The following CAPN13 variants were observed in gnomAD, a reference collection of about 807,000 sequenced individuals.
CAPN13 encodes the protein calpain-13.
CAPN13 carries 90 observed loss-of-function variants against 98.4 expected under a neutral mutation model. The ratio of observed to expected loss-of-function variants is 0.92; its 90% CI spans 0.77 to 1.09. The LOEUF (loss-of-function observed/expected upper bound fraction) is 1.09, where lower values mean the gene tolerates loss of function less well. Ranked by LOEUF, CAPN13 falls within the 50% of genes least tolerant of loss-of-function variation. CAPN13 has a pLI of 0.00. For missense variants in CAPN13, 887 were observed against 841.3 expected, an observed-to-expected ratio of 1.05 and a Z score of -0.67; for synonymous variants, 330 against 305.5, an observed-to-expected ratio of 1.08 and a Z score of -0.84.
At chr2:30,766,184 C>T (rs1673101110) in intron 5 of CAPN13, among the ~76,000 whole-genome samples, 1 of 152,244 alleles carries the variant, frequency 6.6e-6, no homozygotes, top group African/African-American at 2.4e-5. Flanking sequence ...CCTTTCCTGG[C>T]TTCAAACAGG....
rs959017187 is a variant in CAPN13 at position 30,804,519 on chromosome 2, C to T, written c.-33+2783G>A. 1.2e-4 allele frequency among the ~76,000 whole-genome samples: 18 copies of T among 152,258 alleles called. No individual in the cohort carries two copies. The South Asian group carries it at 3.5e-3, about 30-fold the overall frequency. On this transcript the variant is annotated intron_variant, in intron 1 of 22. Coordinates refer to ENST00000295055, the MANE Select transcript of CAPN13 (RefSeq NM_144575.3). Reference sequence around the variant, plus strand: ...CTTTTTAAGTAAATTGGAATCATAACTCTCTGAGGAGGGAAGAGTAGGAGG... The same window carrying T: ...CTTTTTAAGTAAATTGGAATCATAATTCTCTGAGGAGGGAAGAGTAGGAGG...
chr2:30,768,207 G>C (rs1164476784), intron 5 of CAPN13, among the ~76,000 whole-genome samples: 3 of 152,166 alleles, frequency 2.0e-5, no homozygotes, highest in Non-Finnish European at 1.5e-5. Context: ...TGGCTGATTG[G>C]GCCGATGGGG....
At chr2:30,769,984 CAG>C in intron 5 of CAPN13, among the ~76,000 whole-genome samples, 1 of 152,322 alleles carries the variant, frequency 6.6e-6, no homozygotes, top group South Asian at 2.1e-4. Flanking sequence ...TTCTGTGAGT[CAG>C]AGTCAGAATT....
chr2:30,792,234 A>T (rs919289433), intron 1 of CAPN13, among the ~76,000 whole-genome samples: 2 of 152,130 alleles, frequency 1.3e-5, no homozygotes, highest in Admixed American at 1.3e-4. Context: ...AATCAAACAG[A>T]AGACAGACAA....
At chr2:30,805,216 T>G (rs1055879269) in intron 1 of CAPN13, among the ~76,000 whole-genome samples, 1 of 152,090 alleles carries the variant, frequency 6.6e-6, no homozygotes, top group Non-Finnish European at 1.5e-5. Flanking sequence ...AGCCAACATA[T>G]AAATGTCCTC....
At chr2:30,787,783 G>T (rs1674382071) in intron 1 of CAPN13, among the ~76,000 whole-genome samples, 1 of 152,170 alleles carries the variant, frequency 6.6e-6, no homozygotes, top group Non-Finnish European at 1.5e-5. Flanking sequence ...GGGTGGGTAG[G>T]AAGTGTTGGA....
chr2:30,787,203 A>G lies in CAPN13; in HGVS notation c.123T>C (p.Pro41=). Residue 41 remains proline, a synonymous_variant, in exon 2 of 23, where the codon CCT becomes CCC. Transcript: ENST00000295055. The stretch of plus-strand genomic sequence containing the variant: ...TCTGGCCTATGGAAGAATCTGCTGC[A>G]GGGAATGTCTCATCCTTAAACGTCC... ...MGRTFKDETF[P]AADSSIGQKL... The G allele has an allele frequency of 6.2e-7, 1 of 1,605,908 alleles. No individual in the cohort carries two copies.
chr2:30,740,203 G>A (rs528550820), intron 15 of CAPN13, among the ~76,000 whole-genome samples: 2 of 146,798 alleles, frequency 1.4e-5, no homozygotes, highest in South Asian at 2.2e-4. Context: ...CAGGCAATTC[G>A]CCTGTCTCAG....
chr2:30,798,403 A>C (rs933949170), intron 1 of CAPN13, among the ~76,000 whole-genome samples: 2 of 152,066 alleles, frequency 1.3e-5, no homozygotes, highest in Admixed American at 6.5e-5. Context: ...ACTTCAACCT[A>C]CTGAGCTCTC....
At chr2:30,787,429 G>C in intron 1 of CAPN13, 72 bp from the exon 2 acceptor site, 1 of 1,178,084 alleles carries the variant, frequency 8.5e-7, no homozygotes, top group Non-Finnish European at 1.2e-6. Flanking sequence ...GTGAGCCCCA[G>C]ATGGGCACTC....
intron 15 of CAPN13, among the ~76,000 whole-genome samples, chr2:30,739,283 G>A (rs1404321962): frequency 2.6e-5 from 4 of 152,144 alleles, no homozygotes; most frequent in Non-Finnish European, 5.9e-5. Flanking sequence ...TGGGGAGCTG[G>A]CGCTGGAAAG....
At chr2:30,752,447 C>T (rs535645628) in intron 10 of CAPN13, among the ~76,000 whole-genome samples, 2 of 152,194 alleles carry the variant, frequency 1.3e-5, no homozygotes, top group Non-Finnish European at 2.9e-5. Flanking sequence ...AGGCCATGAT[C>T]AACAAGATTC....
rs571864816 is a variant in CAPN13 at position 30,801,541 on chromosome 2, G to T, written c.-33+5761C>A. On this transcript the variant is annotated intron_variant, in intron 1 of 22. Transcript: ENST00000295055. ...AATCGCTTGAACCCGGGAGGCGGAG[G>T]TTGCAGTGAGCCAAGATCATGCCAT... Among the ~76,000 whole-genome samples the T allele has an allele frequency of 1.7e-4, 25 of 150,338 alleles. No individual in the cohort carries two copies. The East Asian group carries it at 4.9e-3, about 29-fold the overall frequency.
intron 8 of CAPN13, 69 bp from the exon 9 acceptor site, chr2:30,754,433 A>C: frequency 7.6e-7 from 1 of 1,315,328 alleles, no homozygotes; most frequent in Non-Finnish European, 1.0e-6. Flanking sequence ...TGTGTGGGTC[A>C]ACAGGGACCC....
intron 1 of CAPN13, 110 bp from the exon 2 acceptor site, chr2:30,787,467 G>T: frequency 1.3e-6 from 1 of 769,884 alleles, no homozygotes; most frequent in Non-Finnish European, 2.0e-6. Flanking sequence ...CAGGGACTGA[G>T]ACTAAGTCTG....
chr2:30,742,085 A>G, intron 14 of CAPN13, 121 bp from the exon 15 acceptor site: 3 of 1,037,446 alleles, frequency 2.9e-6, no homozygotes, highest in Non-Finnish European at 4.3e-6. Context: ...GGGCAGTTGG[A>G]AAAAGCCTTC....
At chr2:30,726,355 C>A (rs888600861) in intron 22 of CAPN13, among the ~76,000 whole-genome samples, 1 of 152,180 alleles carries the variant, frequency 6.6e-6, no homozygotes, top group Non-Finnish European at 1.5e-5. Context: ...TTGTACACTT[C>A]TATTCGGCAT....
At chr2:30,753,235 G>T (rs1235678594) in intron 9 of CAPN13, 37 bp from the exon 10 acceptor site, 1 of 1,610,298 alleles carries the variant, frequency 6.2e-7, no homozygotes, top group Non-Finnish European at 8.5e-7. Flanking sequence ...AGTGACCAGG[G>T]GTTGTGTCCC....
chr2:30,747,816 C>A (rs1176465316), intron 11 of CAPN13, among the ~76,000 whole-genome samples: 1 of 152,192 alleles, frequency 6.6e-6, no homozygotes, highest in East Asian at 1.9e-4. Context: ...CTGAACTGTT[C>A]TTTGACATTT....
Sources: allele counts gnomAD v4.1 joint callset (sites outside exome capture counted in the v4.1 genomes callset), GRCh38; gene constraint gnomAD v4.1.1; transcripts MANE v1.5; gene names NCBI Gene and HGNC (gene_info 2026-07-23, HGNC 2026-07-21).